The following ANKRD28 variants were observed in gnomAD, a reference collection of about 807,000 sequenced individuals.
ANKRD28 encodes ankyrin repeat domain 28, also known as serine/threonine-protein phosphatase 6 regulatory ankyrin repeat subunit A.
ANKRD28 carries 44 observed loss-of-function variants against 126.5 expected under a neutral mutation model. The ratio of observed to expected loss-of-function variants is 0.35; its 90% CI spans 0.27 to 0.45. ANKRD28 has a LOEUF of 0.45. Ranked by LOEUF, ANKRD28 falls within the 20% of genes least tolerant of loss-of-function variation. ANKRD28 has a pLI of 1.00. For synonymous variants in ANKRD28, 442 were observed against 468.5 expected (o/e 0.94, Z 0.73); for missense variants, 1,110 against 1,316.6 (o/e 0.84, Z 2.43).
In ANKRD28 at chr3:15,797,068, A is replaced by C; in HGVS notation, c.-547T>G. 1.0e-6 allele frequency: 1 copy of C among 985,328 alleles called. No homozygotes were observed. The allele number at this position is 985,328 out of a possible 1,614,324, so 61.0% of individuals were successfully genotyped here. On this transcript the variant is annotated 5_prime_UTR_variant, in exon 1 of 28. Transcript: ENST00000683139. ...TCTCACTATTCTGTTTCCACTTCTAATTTGTCTTCATTTCTTCATCACTGG... is the reference window on the plus strand; with the variant it reads ...TCTCACTATTCTGTTTCCACTTCTACTTTGTCTTCATTTCTTCATCACTGG...
intron 3 of ANKRD28, among the ~76,000 whole-genome samples, chr3:15,763,353 A>T (rs2058588142): frequency 6.6e-6 from 1 of 152,240 alleles, no homozygotes; most frequent in African/African-American, 2.4e-5. Flanking sequence ...AATGTAAACA[A>T]ATTTCTGAAA....
chr3:15,825,686 T>C (rs1447961311), intron 1 of ANKRD28, among the ~76,000 whole-genome samples: 2 of 152,074 alleles, frequency 1.3e-5, no homozygotes, highest in Non-Finnish European at 1.5e-5. Context: ...TAAAACAAAG[T>C]AGACTAGCCA....
At chr3:15,674,196 A>AAAGGAAG (rs1553573256) in intron 27 of ANKRD28, among the ~76,000 whole-genome samples, 5 of 130,080 alleles carry the variant, frequency 3.8e-5, no homozygotes, top group African/African-American at 1.6e-4. Flanking sequence ...AAAAAAAAAA[A>AAAGGAAG]AAGAAGAAGA....
chr3:15,758,614 G>C lies in ANKRD28; in HGVS notation c.281-6794C>G, dbSNP rs549824763. On this transcript the variant is annotated intron_variant, in intron 3 of 27. Transcript: ENST00000683139. Reference sequence around the variant, plus strand: ...AGGGAAAATAAAGGGAGAAGACAGCGATTTTGCAAGCCAGAGAGAGATACC... The same window carrying C: ...AGGGAAAATAAAGGGAGAAGACAGCCATTTTGCAAGCCAGAGAGAGATACC... 1.6e-4 allele frequency among the ~76,000 whole-genome samples: 24 copies of C among 152,262 alleles called. No individual in the cohort carries two copies. The South Asian group carries it at 3.9e-3, about 25-fold the overall frequency.
Position 15,719,596 on chromosome 3 carries a change from G to T in ANKRD28, c.996+1319C>A, listed in dbSNP as rs906119034. Among the ~76,000 whole-genome samples the T allele has an allele frequency of 2.0e-5, 3 of 152,214 alleles. No individual in the cohort carries two copies. In the East Asian group the frequency reaches 5.8e-4, roughly 29 times the overall value. On this transcript the variant is annotated intron_variant, in intron 8 of 27. Coordinates refer to ENST00000683139, the MANE Select transcript of ANKRD28 (RefSeq NM_001349278.2). The stretch of plus-strand genomic sequence containing the variant: ...AGAATATTCATTCATTTGAGGCAAG[G>T]TCTCACCTGTCGCCCAGGCTAGAGT...
At chr3:15,676,036 C>G in intron 26 of ANKRD28, 47 bp from the exon 27 acceptor site, 1 of 1,439,160 alleles carries the variant, frequency 6.9e-7, no homozygotes, top group African/African-American at 1.4e-5. Flanking sequence ...CATGTGCATG[C>G]ACATACACAT....
chr3:15,742,235 C>A (rs2057095281), intron 4 of ANKRD28, among the ~76,000 whole-genome samples: 2 of 151,104 alleles, frequency 1.3e-5, no homozygotes, highest in African/African-American at 4.9e-5. Flanking sequence ...GCCTGGCTAC[C>A]CAGTCTGGAA....
At chr3:15,677,459 A>G in intron 25 of ANKRD28, 21 bp downstream of exon 25, 1 of 1,563,152 alleles carries the variant, frequency 6.4e-7, no homozygotes, top group Non-Finnish European at 8.8e-7. Context: ...ATGGAAACAT[A>G]TTCTTAAGAT....
At chr3:15,759,872 A>G (rs1559484834) in intron 3 of ANKRD28, among the ~76,000 whole-genome samples, 1 of 152,162 alleles carries the variant, frequency 6.6e-6, no homozygotes, top group Non-Finnish European at 1.5e-5. Context: ...AAAATCCCTA[A>G]AAATCTTTCA....
intron 1 of ANKRD28, among the ~76,000 whole-genome samples, chr3:15,823,476 T>A (rs912266819): frequency 6.6e-6 from 1 of 152,190 alleles, no homozygotes; most frequent in African/African-American, 2.4e-5. Context: ...ACCAAAAATT[T>A]AAAGAATCAA....
chr3:15,669,923 C>T lies in ANKRD28; in HGVS notation c.*347G>A, dbSNP rs1055197731. Reference sequence around the variant, plus strand: ...GTAATTTTATTGATAAAATTTAAATCTAGTGTCTTTATTTCTTCTGTTACA... The same window carrying T: ...GTAATTTTATTGATAAAATTTAAATTTAGTGTCTTTATTTCTTCTGTTACA... On this transcript the variant is annotated 3_prime_UTR_variant, in exon 28 of 28. Coordinates refer to ENST00000683139, the MANE Select transcript of ANKRD28 (RefSeq NM_001349278.2). The T allele has an allele frequency of 9.0e-5, 16 of 177,604 alleles. No individual in the cohort carries two copies. Among genetic ancestry groups the T allele is most frequent in the African/African-American group, 3.8e-4 (16 of 42,296 alleles). The allele number at this position is 177,604 out of a possible 1,614,324, so 11.0% of individuals were successfully genotyped here.
At position 15,733,766 on chromosome 3, in the gene ANKRD28, C is replaced by T. The variant is rs1280690669; in HGVS notation, c.640+1644G>A. ...CATCACAATCTTCAATTTAGTATAC[C>T]TATGTAGAATTTTTTTTTCAGAGTA... is the stretch of plus-strand genomic sequence containing the variant. On this transcript the variant is annotated intron_variant, in intron 6 of 27. Coordinates refer to ENST00000683139, the MANE Select transcript of ANKRD28 (RefSeq NM_001349278.2). Among the ~76,000 whole-genome samples the T allele has an allele frequency of 2.0e-5, 3 of 151,882 alleles. No homozygotes were observed. In the South Asian group the frequency reaches 6.2e-4, roughly 32 times the overall value.
chr3:15,825,912 T>G (rs2061054945), intron 1 of ANKRD28, among the ~76,000 whole-genome samples: 1 of 152,268 alleles, frequency 6.6e-6, no homozygotes, highest in South Asian at 2.1e-4. Context: ...TACATCAGAA[T>G]GCCAAAATGA....
chr3:15,763,951 C>T (rs970550537), intron 3 of ANKRD28, among the ~76,000 whole-genome samples: 1 of 152,130 alleles, frequency 6.6e-6, no homozygotes, highest in Admixed American at 6.5e-5. Context: ...TGGCTGGGCA[C>T]AGTGCCTCAC....
chr3:15,744,218 G>T (rs1290149388), intron 4 of ANKRD28, among the ~76,000 whole-genome samples: 1 of 152,198 alleles, frequency 6.6e-6, no homozygotes, highest in African/African-American at 2.4e-5. Context: ...AGTGTTTACA[G>T]AAGTTATATC....
intron 6 of ANKRD28, among the ~76,000 whole-genome samples, chr3:15,735,039 G>A (rs1360161599): frequency 6.6e-6 from 1 of 152,030 alleles, no homozygotes; most frequent in Non-Finnish European, 1.5e-5. Context: ...TAACCCACTG[G>A]TTGGCCCAAA....
intron 10 of ANKRD28, 27 bp downstream of exon 10, chr3:15,713,500 G>A (rs752716647): frequency 6.3e-7 from 1 of 1,575,532 alleles, no homozygotes; most frequent in Non-Finnish European, 8.7e-7. Context: ...GCCTGTATCA[G>A]TTATCAACAC....
chr3:15,671,750 A>C (rs2066386459), intron 27 of ANKRD28, among the ~76,000 whole-genome samples: 1 of 151,744 alleles, frequency 6.6e-6, no homozygotes, highest in African/African-American at 2.4e-5. Context: ...TGACCAGCTA[A>C]TTTTTTATAT....
At chr3:15,704,996 C>T (rs1234860273) in intron 14 of ANKRD28, among the ~76,000 whole-genome samples, 1 of 152,088 alleles carries the variant, frequency 6.6e-6, no homozygotes, top group Non-Finnish European at 1.5e-5. Context: ...TTTCATTTTC[C>T]TTTTACAAAT....
Sources: allele counts gnomAD v4.1 joint callset (sites outside exome capture counted in the v4.1 genomes callset), GRCh38; gene constraint gnomAD v4.1.1; transcripts MANE v1.5; gene names NCBI Gene and HGNC (gene_info 2026-07-23, HGNC 2026-07-21).